MOB3A: variants seen among roughly 807,000 people sequenced by gnomAD.
MOB3A encodes the protein MOB LAK.
A neutral mutation model predicts 17.8 loss-of-function variants in MOB3A; 17 were observed. The ratio of observed to expected loss-of-function variants is 0.95; its 90% CI spans 0.65 to 1.43. MOB3A has a LOEUF of 1.43. Among genes scored for constraint, MOB3A ranks in the 40% most tolerant of loss-of-function variants. The pLI, the probability that MOB3A is intolerant of heterozygous loss-of-function variation, is 0.00. For missense variants in MOB3A, 333 were observed against 310.8 expected, an observed-to-expected ratio of 1.07 and a Z score of -0.54; for synonymous variants, 124 against 133.2, an observed-to-expected ratio of 0.93 and a Z score of 0.48.
intron 1 of MOB3A, among the ~76,000 whole-genome samples, chr19:2,089,673 G>A (rs898419649): frequency 1.3e-5 from 2 of 152,178 alleles, no homozygotes; most frequent in African/African-American, 4.8e-5. Context: ...CAGAGGGGGA[G>A]AGGAAGAGAA....
At chr19:2,075,244 GTTCTCAAACTTCTGAGCTCGAGTGA>G (rs1212803273) in intron 4 of MOB3A, among the ~76,000 whole-genome samples, 27 of 152,232 alleles carry the variant, frequency 1.8e-4, no homozygotes, top group African/African-American at 6.5e-4. Context: ...TGTCCAGGCT[GTTCTCAAACTTCTGAGCTCGAGTGA>G]TTCTCCCTCT....
chr19:2,094,229 A>G (rs1434752031), intron 1 of MOB3A, among the ~76,000 whole-genome samples: 1 of 151,610 alleles, frequency 6.6e-6, no homozygotes, highest in African/African-American at 2.4e-5. Context: ...TTGTCTTTTT[A>G]GTAGAGACGG....
chr19:2,078,280 C>G lies in MOB3A; in HGVS notation c.281G>C (p.Gly94Ala), dbSNP rs200521330. The G allele has an allele frequency of 3.7e-6, 6 of 1,613,944 alleles. No homozygotes were observed. Among genetic ancestry groups the G allele is most frequent in the African/African-American group, 1.3e-5 (1 of 74,936 alleles). ...CTGCCAGCGGTACTCATACTTGGGG[C>G]CCCCCGACATGACGGGGCAGGACTG... ...TEQSCPVMSGGPKYEYRWQDE... is the reference protein window; with the variant it reads ...TEQSCPVMSGAPKYEYRWQDE... The change falls in exon 3 of 5, where the codon GGC becomes GCC. Residue 94 changes from glycine to alanine, a missense_variant. Gly to Ala is a moderately conservative substitution (Grantham distance 60). Coordinates refer to ENST00000357066, the MANE Select transcript of MOB3A (RefSeq NM_130807.3).
intron 3 of MOB3A, among the ~76,000 whole-genome samples, chr19:2,077,721 A>G (rs961648261): frequency 1.3e-5 from 2 of 151,524 alleles, no homozygotes; most frequent in Admixed American, 1.3e-4. Context: ...AGTCACCAGG[A>G]GTGATTCAGG....
intron 4 of MOB3A, among the ~76,000 whole-genome samples, chr19:2,074,014 G>A: frequency 6.6e-6 from 1 of 151,872 alleles, no homozygotes. Flanking sequence ...CTGGGTGACA[G>A]AGCGAGACTC....
intron 2 of MOB3A, among the ~76,000 whole-genome samples, chr19:2,084,489 C>T (rs537177862): frequency 7.9e-5 from 12 of 151,716 alleles, no homozygotes; most frequent in African/African-American, 2.4e-4. Flanking sequence ...AGTGAGACTC[C>T]GTCACAAAAA....
In MOB3A at chr19:2,076,890, T is replaced by C; in HGVS notation, c.545A>G (p.His182Arg). The C allele has an allele frequency of 6.2e-7, 1 of 1,614,122 alleles. No homozygotes were observed. Residue 182 changes from histidine to arginine, a missense_variant, in exon 4 of 5, where the codon CAC becomes CGC. Physicochemically the swap from His to Arg is conservative, Grantham distance 29. Coordinates refer to ENST00000357066, the MANE Select transcript of MOB3A (RefSeq NM_130807.3). ...GAAGTGCTTGTAGCAGGTGTTCACG[T>C]GGGCCTCGGAGCCCATCTGCGCGAT... is the stretch of plus-strand genomic sequence containing the variant. ...DRIAQMGSEA[H>R]VNTCYKHFYY...
At chr19:2,085,366 T>C (rs1288229669) in intron 1 of MOB3A, 38 bp from the exon 2 acceptor site, 2 of 150,314 alleles carry the variant, frequency 1.3e-5, no homozygotes, top group Non-Finnish European at 3.0e-5. Flanking sequence ...ATTCCCCTGC[T>C]GCAACACTTT....
At chr19:2,090,366 C>T (rs2017599855) in intron 1 of MOB3A, among the ~76,000 whole-genome samples, 1 of 152,202 alleles carries the variant, frequency 6.6e-6, no homozygotes, top group Non-Finnish European at 1.5e-5. Context: ...AGGGATAGAC[C>T]ACCCTGCCCC....
At chr19:2,085,824 C>T (rs922550085) in intron 1 of MOB3A, among the ~76,000 whole-genome samples, 5 of 151,352 alleles carry the variant, frequency 3.3e-5, no homozygotes, top group African/African-American at 7.3e-5. Flanking sequence ...AATAGCCGGG[C>T]GTAGTGGTGG....
At chr19:2,091,259 T>G (rs2017610586) in intron 1 of MOB3A, among the ~76,000 whole-genome samples, 1 of 152,216 alleles carries the variant, frequency 6.6e-6, no homozygotes, top group Admixed American at 6.5e-5. Flanking sequence ...CTTCTCATCC[T>G]TGTGTAACCC....
rs1036549330 is a variant in MOB3A at position 2,090,495 on chromosome 19, G to C, written c.-273-5167C>G. Among the ~76,000 whole-genome samples, 23 of 152,172 alleles carry C rather than the reference G, an allele frequency of 1.5e-4. No homozygotes were observed. The South Asian group carries it at 1.7e-3, about 11-fold the overall frequency. ...CCTGGCATGGAGTGGGTGGAGGCCA[G>C]GAACGCTACTCAGCACCCTGCAGTG... On this transcript the variant is annotated intron_variant, in intron 1 of 4. Transcript: ENST00000357066.
rs564213823 is a variant in MOB3A at position 2,082,296 on chromosome 19, G to A, written c.-120+2879C>T. On this transcript the variant is annotated intron_variant, in intron 2 of 4. Coordinates refer to ENST00000357066, the MANE Select transcript of MOB3A (RefSeq NM_130807.3). This position sits in a 1 kb window ranked among gnomAD's most constrained non-coding sequence, Gnocchi z 4.1. ...TTGGATCGTTCTCTGGGGTGGGGCC[G>A]TCAGGGGCACTGCAAGGTGCTGAGC... Among the ~76,000 whole-genome samples the A allele has an allele frequency of 5.9e-5, 9 of 152,362 alleles. No individual in the cohort carries two copies. The highest frequency in any genetic ancestry group is 3.4e-3 in the Middle Eastern group (1 of 294).
intron 2 of MOB3A, among the ~76,000 whole-genome samples, chr19:2,081,492 G>A (rs1247231674): frequency 6.6e-6 from 1 of 152,132 alleles, no homozygotes; most frequent in Non-Finnish European, 1.5e-5. Flanking sequence ...GGAGGCTGAG[G>A]CAGGAGAATC....
intron 4 of MOB3A, 44 bp downstream of exon 4, chr19:2,076,767 C>T: frequency 6.3e-7 from 1 of 1,593,206 alleles, no homozygotes; most frequent in Non-Finnish European, 8.6e-7. Context: ...CACGGGCCAC[C>T]AGCCCCACCG....
chr19:2,075,176 G>A (rs900618125), intron 4 of MOB3A, among the ~76,000 whole-genome samples: 9 of 151,940 alleles, frequency 5.9e-5, no homozygotes, highest in Non-Finnish European at 1.2e-4. Context: ...CCACAGGCAC[G>A]CACCACTGTG....
chr19:2,089,855 G>A (rs1178711730), intron 1 of MOB3A, among the ~76,000 whole-genome samples: 1 of 151,480 alleles, frequency 6.6e-6, no homozygotes, highest in Non-Finnish European at 1.5e-5. Context: ...CCTGGGCACT[G>A]CAGGTGCTGA....
At chr19:2,086,787 G>C (rs1339778315) in intron 1 of MOB3A, among the ~76,000 whole-genome samples, 7 of 151,358 alleles carry the variant, frequency 4.6e-5, no homozygotes, top group Non-Finnish European at 7.4e-5. Flanking sequence ...GCTTTTGTCT[G>C]GTTTACATTT....
chr19:2,078,661 C>T lies in MOB3A; in HGVS notation c.-101G>A. 8.5e-7 allele frequency: 1 copy of T among 1,176,362 alleles called. No individual in the cohort carries two copies. Among genetic ancestry groups the T allele is most frequent in the Non-Finnish European group, 1.2e-6 (1 of 842,986 alleles). 72.9% of individuals were successfully genotyped at this position (1,176,362 alleles called of 1,614,324 possible). On this transcript the variant is annotated 5_prime_UTR_variant, in exon 3 of 5. Coordinates refer to ENST00000357066, the MANE Select transcript of MOB3A (RefSeq NM_130807.3). ...GAGGCCACGAAACACTCACCAAGCC[C>T]CACAGCTCTCCCGCGGACCTGAAAT...
Sources: gnomAD v4.1 joint callset for allele counts (sites outside exome capture counted in the v4.1 genomes callset) on GRCh38, gnomAD v4.1.1 for gene constraint, Gnocchi (gnomAD v3.1) non-coding constraint, MANE v1.5 for transcripts, NCBI Gene and HGNC (gene_info 2026-07-23, HGNC 2026-07-21) for gene names.